The following AFAP1L1 variants were observed in gnomAD, a reference collection of about 807,000 sequenced individuals.
The protein encoded by AFAP1L1 is actin filament associated protein 1 like 1.
Under a neutral mutation model 99.8 loss-of-function variants are expected in AFAP1L1, and 77 were observed. The ratio of observed to expected loss-of-function variants is 0.77; its 90% CI spans 0.64 to 0.93. The LOEUF (loss-of-function observed/expected upper bound fraction) is 0.93, where lower values mean the gene tolerates loss of function less well. Ranked by LOEUF, AFAP1L1 falls within the 40% of genes least tolerant of loss-of-function variation. The pLI, the probability that AFAP1L1 is intolerant of heterozygous loss-of-function variation, is 0.00. For synonymous variants in AFAP1L1, 373 were observed against 395.3 expected, an observed-to-expected ratio of 0.94 and a Z score of 0.67; for missense variants, 893 against 996.8, an observed-to-expected ratio of 0.90 and a Z score of 1.40.
Position 149,302,546 on chromosome 5 carries a change from G to C in AFAP1L1, c.436+20G>C, listed in dbSNP as rs1756262218. ...CCCACAGTAAGTTCTGGTCCTCTTG[G>C]TGGGGCTGGGGACTTCCTGTCCCTG... On this transcript the variant is annotated intron_variant, in intron 5 of 18. Transcript: ENST00000296721. The C allele has an allele frequency of 1.3e-6, 2 of 1,555,308 alleles. No individual in the cohort carries two copies. Among genetic ancestry groups the C allele is most frequent in the Non-Finnish European group, 1.7e-6 (2 of 1,147,596 alleles).
intron 7 of AFAP1L1, among the ~76,000 whole-genome samples, chr5:149,308,747 C>G (rs1031934247): frequency 6.6e-6 from 1 of 152,088 alleles, no homozygotes; most frequent in East Asian, 1.9e-4. Context: ...AAGCACAATG[C>G]AAACAGAAGT....
At chr5:149,274,059 G>A (rs1174453327) in intron 1 of AFAP1L1, among the ~76,000 whole-genome samples, 1 of 152,176 alleles carries the variant, frequency 6.6e-6, no homozygotes, top group Non-Finnish European at 1.5e-5. Flanking sequence ...GGAGGGCTCT[G>A]ACCTGCTCTC....
chr5:149,311,966 C>T (rs1756642608), intron 8 of AFAP1L1, 146 bp from the exon 9 acceptor site: 1 of 692,426 alleles, frequency 1.4e-6, no homozygotes, highest in Admixed American at 2.6e-5. Flanking sequence ...GTGCCCCACA[C>T]ATATGCAGGT....
chr5:149,322,117 T>G (rs1561681325), intron 14 of AFAP1L1, among the ~76,000 whole-genome samples: 2 of 152,246 alleles, frequency 1.3e-5, no homozygotes, highest in Non-Finnish European at 2.9e-5. Context: ...AACTCATGGT[T>G]TCCTAAGCTT....
Position 149,302,508 on chromosome 5 carries a change from G to T in AFAP1L1, c.418G>T (p.Glu140Ter). 1 of 1,584,554 alleles carries T rather than the reference G, an allele frequency of 6.3e-7. No homozygotes were observed. ...ALPLGPGKSP[E>*]YISSHNGCSP... ...TCCTCTGGGACCCGGCAAGTCGCCT[G>T]AGTACATCAGCTCCCACAGTAAGTT... Residue 140 changes from glutamate to a stop codon, truncating the protein, a stop_gained, in exon 5 of 19, where the codon GAG (glutamate) becomes TAG (stop). Coordinates refer to ENST00000296721, the MANE Select transcript of AFAP1L1 (RefSeq NM_152406.4). LOFTEE classifies it high-confidence loss of function.
intron 5 of AFAP1L1, among the ~76,000 whole-genome samples, chr5:149,305,906 A>T (rs1426881452): frequency 6.6e-6 from 1 of 151,754 alleles, no homozygotes; most frequent in Non-Finnish European, 1.5e-5. Flanking sequence ...ACACACACAC[A>T]CACACACACA....
intron 15 of AFAP1L1, among the ~76,000 whole-genome samples, chr5:149,323,880 T>G (rs1420633930): frequency 1.3e-5 from 2 of 152,102 alleles, no homozygotes; most frequent in Non-Finnish European, 2.9e-5. Flanking sequence ...GCATGTAAGA[T>G]TAAAGAAATC....
At chr5:149,282,745 G>A (rs1755559785) in intron 1 of AFAP1L1, among the ~76,000 whole-genome samples, 7 of 152,166 alleles carry the variant, frequency 4.6e-5, no homozygotes, top group Admixed American at 4.6e-4. Context: ...CCTGGATTAG[G>A]CTGTAGAGAG....
rs752198245 is a variant in AFAP1L1 at position 149,329,861 on chromosome 5, A to G, written c.1975+31A>G. The stretch of plus-strand genomic sequence containing the variant: ...TATGTGGGTGTGGTCCTGAGCACCT[A>G]TGGGTGGCCAGCTCATCCTTGGGTA... On this transcript the variant is annotated intron_variant, in intron 16 of 18. Coordinates refer to ENST00000296721, the MANE Select transcript of AFAP1L1 (RefSeq NM_152406.4). 1.2e-5 allele frequency: 18 copies of G among 1,557,740 alleles called. No individual in the cohort carries two copies. The African/African-American group carries it at 2.3e-4, about 20-fold the overall frequency.
At chr5:149,273,688 G>A (rs558050949) in intron 1 of AFAP1L1, among the ~76,000 whole-genome samples, 48 of 152,114 alleles carry the variant, frequency 3.2e-4, no homozygotes, top group African/African-American at 1.1e-3. Context: ...AGAGAGAAGA[G>A]GCACCTCTCA....
At chr5:149,335,851 C>T in intron 18 of AFAP1L1, 129 bp downstream of exon 18, 2 of 1,247,808 alleles carry the variant, frequency 1.6e-6, no homozygotes, top group South Asian at 1.5e-5. Flanking sequence ...TACAATGAAA[C>T]TCATGAACCT....
At chr5:149,285,486 G>C (rs1222313761) in intron 1 of AFAP1L1, among the ~76,000 whole-genome samples, 3 of 152,124 alleles carry the variant, frequency 2.0e-5, no homozygotes, top group Non-Finnish European at 2.9e-5. Flanking sequence ...AAACAGGCTT[G>C]GTGAAATGAT....
intron 6 of AFAP1L1, 102 bp from the exon 7 acceptor site, chr5:149,307,300 C>G: frequency 8.0e-7 from 1 of 1,250,604 alleles, no homozygotes; most frequent in Non-Finnish European, 1.2e-6. Flanking sequence ...AATGCCCATG[C>G]CTTCCTAGCC....
rs1464084513 is a variant in AFAP1L1, at chr5:149,320,729, G to A, written c.1698+266G>A. ...AAACACTACCAAAAGGTGAGGCATC[G>A]TCTCCGGTTTGAGCAAGTTGCTGGG... On this transcript the variant is annotated intron_variant, in intron 14 of 18. Coordinates refer to ENST00000296721, the MANE Select transcript of AFAP1L1 (RefSeq NM_152406.4). This position sits in a 1 kb window ranked among gnomAD's most constrained non-coding sequence, Gnocchi z 4.0. Among the ~76,000 whole-genome samples the A allele has an allele frequency of 6.6e-6, 1 of 152,162 alleles. No homozygotes were observed. Among genetic ancestry groups the A allele is most frequent in the Non-Finnish European group, 1.5e-5 (1 of 68,026 alleles).
At chr5:149,304,996 C>T (rs148274288) in intron 5 of AFAP1L1, among the ~76,000 whole-genome samples, 1,672 of 152,326 alleles carry the variant, frequency 0.011, 12 homozygotes, top group Middle Eastern at 0.031. Flanking sequence ...AGCTGGCACC[C>T]TCAGTTCTGA....
intron 9 of AFAP1L1, among the ~76,000 whole-genome samples, chr5:149,314,203 A>T (rs1756726873): frequency 6.6e-6 from 1 of 152,230 alleles, no homozygotes; most frequent in South Asian, 2.1e-4. Flanking sequence ...ATGCAGGAGG[A>T]GAAGCTCAAC....
chr5:149,330,197 A>G (rs1194243943), intron 16 of AFAP1L1, among the ~76,000 whole-genome samples: 1 of 152,194 alleles, frequency 6.6e-6, no homozygotes, highest in Non-Finnish European at 1.5e-5. Context: ...TCATTCACAG[A>G]TATATGTGAG....
At position 149,340,371 on chromosome 5, in the gene AFAP1L1, T is replaced by G; in HGVS notation, c.*341T>G. ...AATGAAAGCACATGTGAATAACCCCTTCCATCCCATTCACAGCATCGCACT... is the reference window on the plus strand; with the variant it reads ...AATGAAAGCACATGTGAATAACCCCGTCCATCCCATTCACAGCATCGCACT... On this transcript the variant is annotated 3_prime_UTR_variant, in exon 19 of 19. Coordinates refer to ENST00000296721, the MANE Select transcript of AFAP1L1 (RefSeq NM_152406.4). 1 of 235,900 alleles carries G rather than the reference T, an allele frequency of 4.2e-6. No homozygotes were observed. The highest frequency in any genetic ancestry group is 8.6e-6 in the Non-Finnish European group (1 of 116,732). 14.6% of individuals were successfully genotyped at this position (235,900 alleles called of 1,614,324 possible).
At chr5:149,281,238 C>A (rs973067950) in intron 1 of AFAP1L1, among the ~76,000 whole-genome samples, 2 of 152,188 alleles carry the variant, frequency 1.3e-5, no homozygotes, top group Non-Finnish European at 2.9e-5. Context: ...GGAGACCCTT[C>A]CAGCCCTGAG....
Sources: gnomAD v4.1 joint callset for allele counts (sites outside exome capture counted in the v4.1 genomes callset) on GRCh38, gnomAD v4.1.1 for gene constraint, Gnocchi (gnomAD v3.1) non-coding constraint, MANE v1.5 for transcripts, NCBI Gene and HGNC (gene_info 2026-07-23, HGNC 2026-07-21) for gene names.